RIMBP2: variants seen among roughly 807,000 people sequenced by gnomAD.
RIMBP2 encodes the protein RIMS binding protein 2.
RIMBP2 carries 48 observed loss-of-function variants against 118.6 expected under a neutral mutation model. That is an observed-to-expected ratio of 0.40 (90% confidence interval 0.32 to 0.51). The LOEUF (loss-of-function observed/expected upper bound fraction) is 0.51. RIMBP2 is among the 20% of genes least tolerant of loss of function. The pLI, the probability that RIMBP2 is intolerant of heterozygous loss-of-function variation, is 0.41. For synonymous variants in RIMBP2, 762 were observed against 742.9 expected, an observed-to-expected ratio of 1.03 and a Z score of -0.42; for missense variants, 1,551 against 1,768.3, an observed-to-expected ratio of 0.88 and a Z score of 2.20.
At chr12:130,518,503 A>G (rs985770977) in intron 2 of RIMBP2, among the ~76,000 whole-genome samples, 5 of 152,210 alleles carry the variant, frequency 3.3e-5, no homozygotes, top group Non-Finnish European at 7.3e-5. Flanking sequence ...AGGTCACCAC[A>G]TGACCTGAGG....
At chr12:130,630,107 T>TA (rs891231717) in intron 1 of RIMBP2, among the ~76,000 whole-genome samples, 34 of 150,920 alleles carry the variant, frequency 2.3e-4, no homozygotes, top group African/African-American at 8.0e-4. Flanking sequence ...GTTGCTGAAA[T>TA]AAAAATTTTA....
rs904470672 is a variant in RIMBP2, at chr12:130,674,676, C to T, written c.-352+41546G>A. 7.2e-4 allele frequency among the ~76,000 whole-genome samples: 110 copies of T among 152,294 alleles called. 1 individual carries two copies. Among genetic ancestry groups the T allele is most frequent in the Admixed American group, 2.0e-3 (31 of 15,306 alleles). ...ACAATACAGTGGCATGGAGTGGCTT[C>T]ACAATGTTATGTGACCATCACCATT... On this transcript the variant is annotated intron_variant, in intron 1 of 22. Transcript: ENST00000690449.
chr12:130,666,180 A>G (rs2063907278), intron 1 of RIMBP2, among the ~76,000 whole-genome samples: 1 of 152,118 alleles, frequency 6.6e-6, no homozygotes, highest in South Asian at 2.1e-4. Context: ...ATTAATACTA[A>G]AGGGCCTAAA....
chr12:130,576,239 T>C lies in RIMBP2; in HGVS notation c.-217+52083A>G, dbSNP rs895455678. 2.6e-4 allele frequency among the ~76,000 whole-genome samples: 39 copies of C among 152,290 alleles called. No individual in the cohort carries two copies. The highest frequency in any genetic ancestry group is 8.7e-4 in the African/African-American group (36 of 41,574). On this transcript the variant is annotated intron_variant, in intron 2 of 22. Transcript: ENST00000690449. The surrounding 1 kb of genome is among the most constrained non-coding windows in gnomAD (Gnocchi z 4.2). ...TTTTTTACCTTTCTGTATCTTTTAATGTGTAACCAAAACCACAGGCCCAAA... is the reference window on the plus strand; with the variant it reads ...TTTTTTACCTTTCTGTATCTTTTAACGTGTAACCAAAACCACAGGCCCAAA...
At chr12:130,639,889 T>C (rs2062538091) in intron 1 of RIMBP2, among the ~76,000 whole-genome samples, 1 of 152,200 alleles carries the variant, frequency 6.6e-6, no homozygotes, top group Non-Finnish European at 1.5e-5. Context: ...TCCAGAGATG[T>C]AAATCAATAA....
chr12:130,477,493 C>T (rs1001740016), intron 5 of RIMBP2, among the ~76,000 whole-genome samples: 7 of 152,264 alleles, frequency 4.6e-5, no homozygotes, highest in Admixed American at 3.3e-4. Flanking sequence ...TATTCCTGCC[C>T]GTGTCCCAGC....
chr12:130,521,849 T>C (rs11614698), intron 2 of RIMBP2, among the ~76,000 whole-genome samples: 13,974 of 152,296 alleles, frequency 0.092, 756 homozygotes, highest in African/African-American at 0.15. Flanking sequence ...GGGAAGGACA[T>C]GTAAGCATTG....
chr12:130,504,417 C>T (rs1429430412), intron 4 of RIMBP2, among the ~76,000 whole-genome samples: 1 of 152,170 alleles, frequency 6.6e-6, no homozygotes, highest in Non-Finnish European at 1.5e-5. Flanking sequence ...TGTTGAGGTT[C>T]CAATTCCACT....
At position 130,437,145 on chromosome 12, in the gene RIMBP2, C is replaced by A; in HGVS notation, c.1803G>T (p.Glu601Asp). 1 of 1,587,658 alleles carries A rather than the reference C, an allele frequency of 6.3e-7. No homozygotes were observed. Among genetic ancestry groups the A allele is most frequent in the Non-Finnish European group, 8.6e-7 (1 of 1,166,252 alleles). The change falls in exon 13 of 23, where the codon GAG becomes GAT. Residue 601 changes from glutamate to aspartate, a missense_variant. By Grantham distance (45) the Glu-to-Asp change is conservative. Transcript: ENST00000690449. ...VDSAVAAVPP[E>D]LLVPPTPHPR... ...GGTGGGGGGTAGGAGGCACCAGGAG[C>A]TCGGGGGGAACGGCAGCAACTGCAG...
At chr12:130,689,865 C>T (rs1849980305) in intron 1 of RIMBP2, among the ~76,000 whole-genome samples, 1 of 152,220 alleles carries the variant, frequency 6.6e-6, no homozygotes, top group South Asian at 2.1e-4. Context: ...GGCGTCTGGG[C>T]AGGCTCAGCC....
intron 7 of RIMBP2, among the ~76,000 whole-genome samples, chr12:130,456,172 C>A (rs2079418563): frequency 6.6e-6 from 1 of 152,240 alleles, no homozygotes; most frequent in Non-Finnish European, 1.5e-5. Flanking sequence ...CAGCCAGACT[C>A]CTGGGTTCAA....
intron 2 of RIMBP2, among the ~76,000 whole-genome samples, chr12:130,615,276 CAT>C (rs202186208): frequency 0.061 from 6,135 of 100,230 alleles, 370 homozygotes; most frequent in East Asian, 0.23. Flanking sequence ...AATACACATA[CAT>C]ATATATATAT....
At chr12:130,400,957 G>A (rs764343213) in intron 21 of RIMBP2, among the ~76,000 whole-genome samples, 4 of 152,204 alleles carry the variant, frequency 2.6e-5, no homozygotes, top group Admixed American at 6.5e-5. Flanking sequence ...ACGAATACTC[G>A]TGCACTTTTG....
intron 4 of RIMBP2, among the ~76,000 whole-genome samples, chr12:130,486,020 C>T (rs1447501175): frequency 6.6e-6 from 1 of 152,148 alleles, no homozygotes; most frequent in Non-Finnish European, 1.5e-5. Flanking sequence ...CTTGTTTTGG[C>T]TTCAGCATCT....
At chr12:130,595,842 A>G (rs1358762446) in intron 2 of RIMBP2, among the ~76,000 whole-genome samples, 1 of 152,190 alleles carries the variant, frequency 6.6e-6, no homozygotes, top group Non-Finnish European at 1.5e-5. Context: ...AAGGAACTTG[A>G]GTTTCTGAAA....
intron 1 of RIMBP2, among the ~76,000 whole-genome samples, chr12:130,664,427 ACATG>A (rs1360773287): frequency 1.4e-5 from 1 of 71,234 alleles, no homozygotes; most frequent in Non-Finnish European, 3.7e-5. Context: ...ACACGCACAC[ACATG>A]CATGCACGCA....
intron 2 of RIMBP2, among the ~76,000 whole-genome samples, chr12:130,537,798 C>T (rs910273332): frequency 6.6e-6 from 1 of 152,148 alleles, no homozygotes; most frequent in African/African-American, 2.4e-5. Flanking sequence ...AATGAGTTTG[C>T]CTATCTGCCT....
At chr12:130,504,037 T>C (rs1593557122) in intron 4 of RIMBP2, among the ~76,000 whole-genome samples, 2 of 152,244 alleles carry the variant, frequency 1.3e-5, no homozygotes, top group African/African-American at 2.4e-5. Flanking sequence ...GTGTGATCCA[T>C]GCTGGGAGCA....
At chr12:130,637,095 A>G (rs2062383729) in intron 1 of RIMBP2, among the ~76,000 whole-genome samples, 1 of 152,196 alleles carries the variant, frequency 6.6e-6, no homozygotes, top group Non-Finnish European at 1.5e-5. Context: ...AGCAGTATAT[A>G]TAGAAAATTC....
Sources: gnomAD v4.1 joint callset for allele counts (sites outside exome capture counted in the v4.1 genomes callset) on GRCh38, gnomAD v4.1.1 for gene constraint, Gnocchi (gnomAD v3.1) non-coding constraint, MANE v1.5 for transcripts, NCBI Gene and HGNC (gene_info 2026-07-23, HGNC 2026-07-21) for gene names.